Variants in DLG2 observed in about 807,000 individuals in gnomAD.
DLG2 encodes the protein disks large homolog 2.
DLG2 carries 45 observed loss-of-function variants against 132.5 expected under a neutral mutation model. That is an observed-to-expected ratio of 0.34 (90% CI 0.27 to 0.44). The LOEUF (loss-of-function observed/expected upper bound fraction) is 0.44. Among genes scored for constraint, DLG2 ranks in the 20% least tolerant of loss-of-function variants. DLG2 has a pLI of 1.00. For missense variants in DLG2, 1,045 were observed against 1,196.9 expected (o/e 0.87, Z 1.87); for synonymous variants, 424 against 419.6 (o/e 1.01, Z -0.13).
rs2099243291 is a variant in DLG2 at position 84,507,007 on chromosome 11, G to C, written c.519+27563C>G. ...CTCATTGTATAATCCTTTTATTATA[G>C]CTTAGTTTCCAAAGTAGACATTTCT... On this transcript the variant is annotated intron_variant, in intron 7 of 27. Transcript: ENST00000376104. 2.0e-5 allele frequency among the ~76,000 whole-genome samples: 3 copies of C among 152,130 alleles called. No homozygotes were observed. In the South Asian group the frequency reaches 6.2e-4, roughly 31 times the overall value.
chr11:83,867,153 T>A (rs1022284321), intron 16 of DLG2, among the ~76,000 whole-genome samples: 4 of 152,080 alleles, frequency 2.6e-5, no homozygotes, highest in Non-Finnish European at 4.4e-5. Flanking sequence ...GGCCTCCAGG[T>A]TGGCCAACTC....
At chr11:85,342,944 A>C (rs2082595474) in intron 3 of DLG2, among the ~76,000 whole-genome samples, 1 of 151,546 alleles carries the variant, frequency 6.6e-6, no homozygotes, top group Non-Finnish European at 1.5e-5. Context: ...TATGTATCTA[A>C]TGCACTTTTT....
intron 11 of DLG2, among the ~76,000 whole-genome samples, chr11:84,005,102 A>G (rs1905325): frequency 0.43 from 64,767 of 151,726 alleles, 15,268 homozygotes; most frequent in Middle Eastern, 0.59. Flanking sequence ...GCATCATACA[A>G]CCTGACTTAG....
chr11:84,312,334 C>T (rs1271933029), intron 7 of DLG2, among the ~76,000 whole-genome samples: 3 of 152,048 alleles, frequency 2.0e-5, no homozygotes, highest in Non-Finnish European at 4.4e-5. Context: ...AAGAAAGTAG[C>T]CAGGCCTGGT....
chr11:84,240,472 G>C (rs1034210174), intron 8 of DLG2, among the ~76,000 whole-genome samples: 3 of 152,044 alleles, frequency 2.0e-5, no homozygotes, highest in Admixed American at 2.0e-4. Flanking sequence ...AATTTTTTTA[G>C]TTATCCAGCT....
At chr11:84,893,186 T>C (rs1016418234) in intron 6 of DLG2, among the ~76,000 whole-genome samples, 1 of 152,178 alleles carries the variant, frequency 6.6e-6, no homozygotes, top group African/African-American at 2.4e-5. Context: ...CTTTCTCTGA[T>C]AAGAACTCCT....
At chr11:83,739,266 A>G (rs999703803) in intron 18 of DLG2, among the ~76,000 whole-genome samples, 1 of 152,200 alleles carries the variant, frequency 6.6e-6, no homozygotes, top group African/African-American at 2.4e-5. Flanking sequence ...TGTGCTATGC[A>G]GAACTTCACT....
chr11:85,431,922 G>T (rs570132875), intron 3 of DLG2, among the ~76,000 whole-genome samples: 1 of 152,320 alleles, frequency 6.6e-6, no homozygotes, highest in East Asian at 1.9e-4. Flanking sequence ...ACTGGCATCA[G>T]GTCGGTGCCC....
intron 10 of DLG2, among the ~76,000 whole-genome samples, chr11:84,062,291 C>T (rs190137477): frequency 6.6e-5 from 10 of 152,228 alleles, no homozygotes; most frequent in African/African-American, 2.2e-4. Context: ...GGTGAGGCCA[C>T]TTTATCTTTT....
At chr11:83,856,254 T>C (rs919513207) in intron 16 of DLG2, among the ~76,000 whole-genome samples, 1 of 152,212 alleles carries the variant, frequency 6.6e-6, no homozygotes, top group Non-Finnish European at 1.5e-5. Flanking sequence ...TTTAGGTTGA[T>C]TCCATGTCTT....
At chr11:83,552,584 C>T (rs1295269420) in intron 19 of DLG2, among the ~76,000 whole-genome samples, 1 of 152,172 alleles carries the variant, frequency 6.6e-6, no homozygotes, top group East Asian at 1.9e-4. Flanking sequence ...CCCCTACCTA[C>T]TAAGCAGCCT....
In DLG2 at chr11:83,886,929, T is replaced by C. The variant is rs1053721712; in HGVS notation, c.1497-12441A>G. Among the ~76,000 whole-genome samples the C allele has an allele frequency of 1.0e-3, 158 of 151,976 alleles. 2 individuals carry two copies. Among genetic ancestry groups the C allele is most frequent in the African/African-American group, 3.7e-3 (152 of 41,474 alleles). ...AACAAAGACACAACATACCAGAATC[T>C]CTGGGACACATTCAAAGCAGTGTGT... is the stretch of plus-strand genomic sequence containing the variant. On this transcript the variant is annotated intron_variant, in intron 15 of 27. Transcript: ENST00000376104.
intron 9 of DLG2, among the ~76,000 whole-genome samples, chr11:84,140,372 CATAAT>C (rs2094790386): frequency 6.6e-6 from 1 of 152,000 alleles, no homozygotes; most frequent in Non-Finnish European, 1.5e-5. Flanking sequence ...TGAGATGTAT[CATAAT>C]ATATACATTA....
chr11:84,309,143 G>T (rs2098262625), intron 7 of DLG2, among the ~76,000 whole-genome samples: 1 of 152,050 alleles, frequency 6.6e-6, no homozygotes, highest in Admixed American at 6.6e-5. Flanking sequence ...CAAACCCCAG[G>T]AACATACAAT....
chr11:84,381,127 T>TA (rs529189295), intron 7 of DLG2, among the ~76,000 whole-genome samples: 38 of 151,772 alleles, frequency 2.5e-4, no homozygotes, highest in Non-Finnish European at 4.6e-4. Context: ...ATTTGAAAAT[T>TA]AAAAAAAATG....
chr11:85,066,208 A>G (rs2064899008), intron 6 of DLG2, among the ~76,000 whole-genome samples: 1 of 151,724 alleles, frequency 6.6e-6, no homozygotes, highest in South Asian at 2.1e-4. Context: ...GAAAAGATGA[A>G]CAAATTCCTG....
Position 84,237,767 on chromosome 11 carries a change from G to A in DLG2, c.573+13471C>T, listed in dbSNP as rs1441473442. 7.4e-5 allele frequency among the ~76,000 whole-genome samples: 11 copies of A among 149,566 alleles called. No homozygotes were observed. In the East Asian group the frequency reaches 1.8e-3, roughly 24 times the overall value. On this transcript the variant is annotated intron_variant, in intron 8 of 27. Transcript: ENST00000376104. ...AAAAGGAAAGACACAGCCGGGCATGGTGGCTTATGCCTATAATCCCAGCAC... is the reference window on the plus strand; with the variant it reads ...AAAAGGAAAGACACAGCCGGGCATGATGGCTTATGCCTATAATCCCAGCAC...
At chr11:84,496,469 T>C (rs1308703951) in intron 7 of DLG2, among the ~76,000 whole-genome samples, 3 of 152,148 alleles carry the variant, frequency 2.0e-5, no homozygotes, top group Non-Finnish European at 4.4e-5. Flanking sequence ...AAATCAATGA[T>C]CATAACTTTT....
chr11:85,264,300 A>C (rs1004638941), intron 4 of DLG2, among the ~76,000 whole-genome samples: 2 of 152,206 alleles, frequency 1.3e-5, no homozygotes, highest in African/African-American at 4.8e-5. Flanking sequence ...ACAAAGCAGA[A>C]ACCAGGGACA....
Sources: gnomAD v4.1 joint callset for allele counts (sites outside exome capture counted in the v4.1 genomes callset) on GRCh38, gnomAD v4.1.1 for gene constraint, MANE v1.5 for transcripts, NCBI Gene and HGNC (gene_info 2026-07-23, HGNC 2026-07-21) for gene names.